SLC44A5: variants seen among roughly 807,000 people sequenced by gnomAD.
SLC44A5 encodes solute carrier family 44 member 5, also known as choline transporter-like protein 5.
SLC44A5 carries 57 observed loss-of-function variants against 101.8 expected under a neutral mutation model. That is an observed-to-expected ratio of 0.56 (90% confidence interval 0.45 to 0.70). The LOEUF (loss-of-function observed/expected upper bound fraction) is 0.70. SLC44A5 is among the 30% of genes least tolerant of loss of function. The pLI, the probability that SLC44A5 is intolerant of heterozygous loss-of-function variation, is 0.00. For synonymous variants in SLC44A5, 281 were observed against 290.9 expected (o/e 0.97, Z 0.35); for missense variants, 737 against 853.1 (o/e 0.86, Z 1.70).
intron 2 of SLC44A5, among the ~76,000 whole-genome samples, chr1:75,507,887 C>T (rs968654591): frequency 3.3e-5 from 5 of 152,092 alleles, no homozygotes; most frequent in Non-Finnish European, 7.4e-5. Flanking sequence ...ACAAGTACTT[C>T]TAGGCCTACA....
Position 75,222,462 on chromosome 1 carries a change from T to C in SLC44A5, c.986-2A>G, listed in dbSNP as rs1647107721. The C allele has an allele frequency of 1.3e-6, 2 of 1,592,466 alleles. No individual in the cohort carries two copies. The highest frequency in any genetic ancestry group is 1.7e-6 in the Non-Finnish European group (2 of 1,162,824). On this transcript the variant is annotated splice_acceptor_variant, in intron 13 of 23. Transcript: ENST00000370859. LOFTEE classifies it high-confidence loss of function. ...CTTCAATGATGCAGAGTATTATCAC[T>C]TTGAACAGGAAAAAAAAAATCAGTC...
chr1:75,566,698 T>G (rs1467344887), intron 1 of SLC44A5, among the ~76,000 whole-genome samples: 1 of 152,210 alleles, frequency 6.6e-6, no homozygotes. Flanking sequence ...AAAGTTGAAC[T>G]GACAATGCAT....
At position 75,267,753 on chromosome 1, in the gene SLC44A5, T is replaced by C. The variant is rs1224340031; in HGVS notation, c.260+7205A>G. The stretch of plus-strand genomic sequence containing the variant: ...TTTTATTTTTATTTTTATTTTTTTG[T>C]AGGGACAGGCTTTCACCATGTTGCC... On this transcript the variant is annotated intron_variant, in intron 6 of 23. Coordinates refer to ENST00000370859, the MANE Select transcript of SLC44A5 (RefSeq NM_001130058.2). Among the ~76,000 whole-genome samples, 5 of 152,194 alleles carry C rather than the reference T, an allele frequency of 3.3e-5. No individual in the cohort carries two copies. In the East Asian group the frequency reaches 9.7e-4, roughly 30 times the overall value.
intron 4 of SLC44A5, among the ~76,000 whole-genome samples, chr1:75,328,266 C>T (rs1656760040): frequency 6.6e-6 from 1 of 152,182 alleles, no homozygotes; most frequent in Non-Finnish European, 1.5e-5. Context: ...ATCCATTTAG[C>T]AGCAAGACAG....
At chr1:75,679,954 G>T in the SLC44A5 span, among the ~76,000 whole-genome samples, 3 of 152,108 alleles carry the variant, frequency 2.0e-5, no homozygotes, top group African/African-American at 4.8e-5. Flanking sequence ...GAAGGCAGGG[G>T]TTGCAATCCT....
At chr1:75,430,013 G>A (rs1379142567) in intron 2 of SLC44A5, among the ~76,000 whole-genome samples, 2 of 152,044 alleles carry the variant, frequency 1.3e-5, no homozygotes, top group Admixed American at 6.6e-5. Flanking sequence ...TAATATAAAC[G>A]TACCCATAGG....
chr1:75,624,719 C>T, the SLC44A5 span, among the ~76,000 whole-genome samples: 1 of 152,088 alleles, frequency 6.6e-6, no homozygotes, highest in South Asian at 2.1e-4. Context: ...AGGATGATCA[C>T]TGATGCTGCG....
chr1:75,515,833 T>C (rs938970353), intron 2 of SLC44A5, among the ~76,000 whole-genome samples: 1 of 152,270 alleles, frequency 6.6e-6, no homozygotes, highest in Admixed American at 6.5e-5. Flanking sequence ...GAAGAACCTC[T>C]ATAGAATTTT....
intron 3 of SLC44A5, among the ~76,000 whole-genome samples, chr1:75,386,791 A>C (rs1367835519): frequency 3.3e-5 from 5 of 151,904 alleles, no homozygotes; most frequent in Non-Finnish European, 5.9e-5. Context: ...GAGGCATCAC[A>C]CTACCTGACT....
At chr1:75,416,324 A>G (rs1663645429) in intron 2 of SLC44A5, among the ~76,000 whole-genome samples, 1 of 152,134 alleles carries the variant, frequency 6.6e-6, no homozygotes, top group African/African-American at 2.4e-5. Flanking sequence ...ACCTCTGAGC[A>G]TACAAATGGT....
chr1:75,619,768 G>A, the SLC44A5 span, among the ~76,000 whole-genome samples: 1 of 152,088 alleles, frequency 6.6e-6, no homozygotes, highest in South Asian at 2.1e-4. Flanking sequence ...CCAAGGCCTT[G>A]GGTGCAATTA....
At chr1:75,259,489 GA>G (rs1295327935) in intron 6 of SLC44A5, among the ~76,000 whole-genome samples, 1 of 152,094 alleles carries the variant, frequency 6.6e-6, no homozygotes, top group Non-Finnish European at 1.5e-5. Context: ...AAAAAAGAGT[GA>G]AGAGAAATGA....
chr1:75,674,614 G>C, the SLC44A5 span, among the ~76,000 whole-genome samples: 1 of 27,538 alleles, frequency 3.6e-5, no homozygotes, highest in Admixed American at 2.0e-4. Context: ...TCCTGAGCTC[G>C]GGTGATCCCC....
intron 2 of SLC44A5, among the ~76,000 whole-genome samples, chr1:75,533,048 T>G (rs1404564239): frequency 6.6e-6 from 1 of 152,200 alleles, no homozygotes; most frequent in Non-Finnish European, 1.5e-5. Context: ...CATGCTCTAC[T>G]CAAATTATGC....
intron 1 of SLC44A5, among the ~76,000 whole-genome samples, chr1:75,589,997 G>A (rs1265730433): frequency 2.0e-5 from 3 of 152,124 alleles, no homozygotes; most frequent in South Asian, 4.1e-4. Flanking sequence ...CATAAGGAGT[G>A]CAACTCCACA....
intron 4 of SLC44A5, among the ~76,000 whole-genome samples, chr1:75,304,293 GGTGTGTGTGTGTGT>G (rs71081327): frequency 4.6e-5 from 3 of 65,420 alleles, no homozygotes; most frequent in Non-Finnish European, 6.1e-5. Flanking sequence ...TTTTTAAATA[GGTGTGTGTGTGTGT>G]GTGTGTGTGT....
chr1:75,722,284 ACTTTC>A, the SLC44A5 span, among the ~76,000 whole-genome samples: 2 of 152,164 alleles, frequency 1.3e-5, no homozygotes, highest in Non-Finnish European at 2.9e-5. Flanking sequence ...CTTCAAATGG[ACTTTC>A]CTTTCCGTCT....
chr1:75,219,766 C>A, intron 15 of SLC44A5, 34 bp downstream of exon 15: 1 of 1,387,166 alleles, frequency 7.2e-7, no homozygotes, highest in Non-Finnish European at 1.0e-6. Flanking sequence ...TCATGTGAAC[C>A]TGAGGTTTAA....
chr1:75,261,998 A>AT (rs1650552329), intron 6 of SLC44A5, among the ~76,000 whole-genome samples: 1 of 151,690 alleles, frequency 6.6e-6, no homozygotes, highest in African/African-American at 2.4e-5. Flanking sequence ...GTATCTCAAA[A>AT]TAAGAGCTAT....
Sources: gnomAD v4.1 joint callset for allele counts (sites outside exome capture counted in the v4.1 genomes callset) on GRCh38, gnomAD v4.1.1 for gene constraint, MANE v1.5 for transcripts, NCBI Gene and HGNC (gene_info 2026-07-23, HGNC 2026-07-21) for gene names.